The following RXFP1 variants were observed in gnomAD, a reference collection of about 807,000 sequenced individuals.
RXFP1 encodes relaxin receptor 1.
RXFP1 carries 73 observed loss-of-function variants against 89.8 expected under a neutral mutation model. That is an observed-to-expected ratio of 0.81 (90% CI 0.67 to 0.99). RXFP1 has a LOEUF of 0.99. RXFP1 is among the 50% of genes least tolerant of loss of function. The pLI is 0.00. For synonymous variants in RXFP1, 277 were observed against 305.5 expected, an observed-to-expected ratio of 0.91 and a Z score of 0.97; for missense variants, 793 against 895.5, an observed-to-expected ratio of 0.89 and a Z score of 1.46.
At chr4:158,556,478 G>A (rs115882301) in intron 1 of RXFP1, among the ~76,000 whole-genome samples, 66 of 152,218 alleles carry the variant, frequency 4.3e-4, no homozygotes, top group Non-Finnish European at 7.5e-4. Context: ...TAGGAAATTA[G>A]TGCAGCCATT....
rs5741905 is a variant in RXFP1 at position 158,527,564 on chromosome 4, A to AAAAAAAAAAATAT, written c.49+5540_49+5541insAAAAAAAAATATA. Among the ~76,000 whole-genome samples, 11 of 98,336 alleles carry AAAAAAAAAAATAT rather than the reference A, an allele frequency of 1.1e-4. 1 individual carries two copies. Among genetic ancestry groups the AAAAAAAAAAATAT allele is most frequent in the African/African-American group, 3.9e-4 (11 of 28,494 alleles). 64.5% of individuals were successfully genotyped at this position (98,336 alleles called of 152,430 possible). ...ATCTCCCCCGCTCCAAAAAAAAAAAAATATATATATATATGTATATATATA... is the reference window on the plus strand; with the variant it reads ...ATCTCCCCCGCTCCAAAAAAAAAAAAAAAAAAAAAATATATATATATATATATGTATATATATA... On this transcript the variant is annotated intron_variant, in intron 1 of 17. Coordinates refer to ENST00000307765, the MANE Select transcript of RXFP1 (RefSeq NM_021634.4).
chr4:158,594,690 G>GTTGAATTT (rs1222481330), intron 3 of RXFP1, among the ~76,000 whole-genome samples: 1 of 152,046 alleles, frequency 6.6e-6, no homozygotes, highest in Non-Finnish European at 1.5e-5. Context: ...GTAAAACCCA[G>GTTGAATTT]TTGAATTTTT....
intron 17 of RXFP1, among the ~76,000 whole-genome samples, chr4:158,649,385 A>G (rs1172969367): frequency 1.3e-5 from 2 of 152,196 alleles, no homozygotes; most frequent in Non-Finnish European, 2.9e-5. Context: ...TTCTTCCTGT[A>G]ATACATGCAA....
At chr4:158,564,663 C>T (rs184954804) in intron 1 of RXFP1, among the ~76,000 whole-genome samples, 142 of 152,262 alleles carry the variant, frequency 9.3e-4, no homozygotes, top group African/African-American at 3.0e-3. Flanking sequence ...TGGTTCAGGA[C>T]TAAAACAGCA....
Position 158,603,967 on chromosome 4 carries a change from A to G in RXFP1, c.393-1101A>G, listed in dbSNP as rs1000315171. On this transcript the variant is annotated intron_variant, in intron 4 of 17. Transcript: ENST00000307765. ...ATATGTTCTTGTGTATATCTGCATT[A>G]TACATTTAAAAAGTAAGATTTTTTT... Among the ~76,000 whole-genome samples the G allele has an allele frequency of 8.6e-5, 13 of 150,406 alleles. 1 individual carries two copies. The highest frequency in any genetic ancestry group is 3.2e-4 in the African/African-American group (13 of 41,200).
chr4:158,626,374 C>A (rs1389638585), intron 9 of RXFP1, among the ~76,000 whole-genome samples: 2 of 152,012 alleles, frequency 1.3e-5, no homozygotes, highest in African/African-American at 4.8e-5. Flanking sequence ...ATTGTTTTGG[C>A]AGCAGCAGCT....
At chr4:158,620,410 C>A (rs960550628) in intron 9 of RXFP1, among the ~76,000 whole-genome samples, 5 of 151,940 alleles carry the variant, frequency 3.3e-5, no homozygotes, top group Non-Finnish European at 7.4e-5. Context: ...GAAATAATAG[C>A]CAAGAATTTT....
chr4:158,651,711 T>G, intron 17 of RXFP1, 46 bp from the exon 18 acceptor site: 4 of 1,476,892 alleles, frequency 2.7e-6, no homozygotes, highest in Non-Finnish European at 3.6e-6. Context: ...TTCTATACCT[T>G]GTAAACATCT....
chr4:158,636,189 G>A (rs1769116401), intron 12 of RXFP1, among the ~76,000 whole-genome samples: 2 of 152,020 alleles, frequency 1.3e-5, no homozygotes, highest in African/African-American at 4.8e-5. Context: ...CCAGGAGTTT[G>A]AGTACAGCCT....
At chr4:158,647,265 A>G in intron 16 of RXFP1, 64 bp downstream of exon 16, 6 of 1,293,310 alleles carry the variant, frequency 4.6e-6, no homozygotes, top group Non-Finnish European at 6.3e-6. Context: ...AGTTTTTGTT[A>G]GTAAGAATGA....
At chr4:158,604,964 C>A in intron 4 of RXFP1, 104 bp from the exon 5 acceptor site, 1 of 562,518 alleles carries the variant, frequency 1.8e-6, no homozygotes, top group South Asian at 3.0e-5. Context: ...AAAATGTTTC[C>A]TGAAAGCTAG....
chr4:158,633,579 G>C, intron 12 of RXFP1, 103 bp downstream of exon 12: 1 of 675,008 alleles, frequency 1.5e-6, no homozygotes, highest in Non-Finnish European at 2.5e-6. Flanking sequence ...GTGTGTAGTT[G>C]AGTAGCATTA....
intron 12 of RXFP1, among the ~76,000 whole-genome samples, chr4:158,636,406 A>C (rs1769164477): frequency 2.0e-5 from 3 of 152,206 alleles, no homozygotes; most frequent in African/African-American, 2.4e-5. Context: ...AATGTGAAGT[A>C]GATGCGGCTC....
intron 6 of RXFP1, 60 bp downstream of exon 6, chr4:158,608,103 C>A: frequency 9.3e-7 from 1 of 1,075,554 alleles, no homozygotes; most frequent in Non-Finnish European, 1.4e-6. Context: ...CTAGACTATT[C>A]CAATCCAGAC....
chr4:158,586,939 G>A (rs1434637743), intron 2 of RXFP1, among the ~76,000 whole-genome samples: 1 of 151,750 alleles, frequency 6.6e-6, no homozygotes, highest in East Asian at 1.9e-4. Context: ...ATTTGTAAAA[G>A]CTCAGTTAAA....
At chr4:158,543,787 G>T in intron 1 of RXFP1, 1 of 984,958 alleles carries the variant, frequency 1.0e-6, no homozygotes, top group Non-Finnish European at 1.2e-6. Flanking sequence ...GAATCAAATA[G>T]TATTACAACA....
At chr4:158,601,051 G>A (rs1761583507) in intron 4 of RXFP1, among the ~76,000 whole-genome samples, 1 of 151,844 alleles carries the variant, frequency 6.6e-6, no homozygotes, top group African/African-American at 2.4e-5. Context: ...GGGAATGGAG[G>A]GGAATAAGGC....
Position 158,612,432 on chromosome 4 carries a change from T to G in RXFP1, c.680+70T>G. The G allele has an allele frequency of 2.7e-6, 3 of 1,109,070 alleles. No homozygotes were observed. The East Asian group carries it at 7.7e-5, about 29-fold the overall frequency. 68.7% of individuals were successfully genotyped at this position (1,109,070 alleles called of 1,614,324 possible). A position where few individuals can be genotyped will look rare whatever the true frequency, so the allele number is the denominator to read the frequency against. On this transcript the variant is annotated intron_variant, in intron 8 of 17. Transcript: ENST00000307765. Reference sequence around the variant, plus strand: ...ATGAATAAAAATTAATGCTTAAATTTAATACCATTAAATTTGGATTTGTTA... The same window carrying G: ...ATGAATAAAAATTAATGCTTAAATTGAATACCATTAAATTTGGATTTGTTA...
intron 1 of RXFP1, among the ~76,000 whole-genome samples, chr4:158,544,956 T>G (rs537510121): frequency 6.6e-6 from 1 of 152,234 alleles, no homozygotes; most frequent in Admixed American, 6.5e-5. Context: ...CCTTTGGGTA[T>G]ATACCCAGTA....
Sources: allele counts gnomAD v4.1 joint callset (sites outside exome capture counted in the v4.1 genomes callset), GRCh38; gene constraint gnomAD v4.1.1; transcripts MANE v1.5; gene names NCBI Gene and HGNC (gene_info 2026-07-23, HGNC 2026-07-21).